Variants in HYCC2 observed in about 807,000 individuals in gnomAD.
HYCC2 encodes hyccin 2.
the HYCC2 span, among the ~76,000 whole-genome samples, chr2:201,051,450 A>G: frequency 1.3e-5 from 2 of 152,214 alleles, no homozygotes; most frequent in Non-Finnish European, 2.9e-5. Context: ...TTATACACCA[A>G]GAAAACCCAA....
At chr2:201,044,190 A>C in the HYCC2 span, among the ~76,000 whole-genome samples, 1 of 152,238 alleles carries the variant, frequency 6.6e-6, no homozygotes, top group Non-Finnish European at 1.5e-5. Flanking sequence ...TATAACAAAG[A>C]GGCTATCACA....
At chr2:201,028,198 G>C in the HYCC2 span, among the ~76,000 whole-genome samples, 1 of 152,092 alleles carries the variant, frequency 6.6e-6, no homozygotes, top group Non-Finnish European at 1.5e-5. Context: ...CAAATCATGA[G>C]TGAACTCCCA....
chr2:201,069,909 A>G, the HYCC2 span, among the ~76,000 whole-genome samples: 21 of 152,354 alleles, frequency 1.4e-4, 1 homozygote, highest in East Asian at 3.9e-3. Context: ...ATTACCATTA[A>G]TAGAAAAAAA....
At chr2:201,016,985 A>G in the HYCC2 span, 2 of 1,611,108 alleles carry the variant, frequency 1.2e-6, no homozygotes, top group Non-Finnish European at 1.7e-6. Context: ...GTCATCTTCA[A>G]CTTACCAAAT....
chr2:200,995,890 C>T, the HYCC2 span, among the ~76,000 whole-genome samples: 1 of 152,200 alleles, frequency 6.6e-6, no homozygotes, highest in East Asian at 1.9e-4. Flanking sequence ...AACATTTAAC[C>T]TTTTTGGGGG....
the HYCC2 span, among the ~76,000 whole-genome samples, chr2:200,991,760 T>TA: frequency 7.3e-4 from 95 of 130,038 alleles, no homozygotes; most frequent in African/African-American, 3.0e-3. Flanking sequence ...ATAAAAAATT[T>TA]AAAAAAACTG....
At chr2:201,062,055 C>T in the HYCC2 span, among the ~76,000 whole-genome samples, 9 of 151,892 alleles carry the variant, frequency 5.9e-5, no homozygotes, top group Non-Finnish European at 1.0e-4. Context: ...CAGTGAACCA[C>T]GATCACACAA....
the HYCC2 span, among the ~76,000 whole-genome samples, chr2:200,988,734 A>G: frequency 0.22 from 33,001 of 152,142 alleles, 4,439 homozygotes; most frequent in African/African-American, 0.37. Context: ...GATAAATAAC[A>G]TGCAAAATTT....
the HYCC2 span, among the ~76,000 whole-genome samples, chr2:201,050,446 C>T: frequency 1.3e-5 from 2 of 151,824 alleles, no homozygotes; most frequent in Non-Finnish European, 2.9e-5. Flanking sequence ...AGAAACCACA[C>T]CAAGCTTATT....
the HYCC2 span, among the ~76,000 whole-genome samples, chr2:201,028,863 A>T: frequency 6.6e-6 from 1 of 152,226 alleles, no homozygotes; most frequent in Non-Finnish European, 1.5e-5. Context: ...TAAAAACCCT[A>T]GAAGAAAACC....
the HYCC2 span, chr2:201,063,958 C>A: frequency 6.3e-7 from 1 of 1,597,434 alleles, no homozygotes; most frequent in Non-Finnish European, 8.5e-7. Flanking sequence ...GCCCCTATGG[C>A]GGTGGAGGCC....
the HYCC2 span, among the ~76,000 whole-genome samples, chr2:201,026,744 T>C: frequency 6.6e-6 from 1 of 152,130 alleles, no homozygotes; most frequent in South Asian, 2.1e-4. Flanking sequence ...AAGGCAGAAA[T>C]AAAGATGTTC....
the HYCC2 span, among the ~76,000 whole-genome samples, chr2:201,044,156 C>G: frequency 6.6e-6 from 1 of 152,210 alleles, no homozygotes; most frequent in African/African-American, 2.4e-5. Flanking sequence ...TAATTCAGAT[C>G]CATACTGCCT....
the HYCC2 span, chr2:201,022,002 G>T: frequency 9.4e-7 from 1 of 1,069,042 alleles, no homozygotes; most frequent in Non-Finnish European, 1.3e-6. Flanking sequence ...AGCTTTTAGT[G>T]GTAGGACAAA....
At chr2:201,005,664 G>C in the HYCC2 span, among the ~76,000 whole-genome samples, 1 of 152,104 alleles carries the variant, frequency 6.6e-6, no homozygotes, top group Non-Finnish European at 1.5e-5. Context: ...CTACATCCTT[G>C]GGAGTGAATT....
the HYCC2 span, among the ~76,000 whole-genome samples, chr2:200,983,897 A>G: frequency 1.3e-5 from 2 of 152,232 alleles, no homozygotes; most frequent in African/African-American, 2.4e-5. Context: ...AAAAAAGATG[A>G]TAACATAAAA....
At chr2:201,045,400 G>A in the HYCC2 span, 2 of 394,584 alleles carry the variant, frequency 5.1e-6, no homozygotes, top group East Asian at 7.2e-5. Context: ...TCAATAAATA[G>A]AAGCTATCCA....
chr2:200,999,299 C>CA, the HYCC2 span, among the ~76,000 whole-genome samples: 4 of 151,976 alleles, frequency 2.6e-5, no homozygotes, highest in African/African-American at 7.2e-5. Context: ...TTTTAAATGG[C>CA]AAAACCACAA....
At chr2:200,990,590 T>C in the HYCC2 span, among the ~76,000 whole-genome samples, 1,105 of 151,232 alleles carry the variant, frequency 7.3e-3, 7 homozygotes, top group African/African-American at 0.026. Context: ...TTTTTTTTTT[T>C]CAAATGGGGT....
Sources: allele counts gnomAD v4.1 joint callset (sites outside exome capture counted in the v4.1 genomes callset), GRCh38; gene constraint gnomAD v4.1.1; transcripts MANE v1.5; gene names NCBI Gene and HGNC (gene_info 2026-07-23, HGNC 2026-07-21).